Variants in MECR observed in about 807,000 individuals in gnomAD.
MECR encodes the protein enoyl-[acyl-carrier-protein] reductase, mitochondrial.
MECR carries 37 observed loss-of-function variants against 49.1 expected under a neutral mutation model. That is an observed-to-expected ratio of 0.75 (90% CI 0.58 to 0.99). The LOEUF is 0.99. MECR is among the 50% of genes least tolerant of loss of function. The probability of loss-of-function intolerance (pLI) is 0.00; values close to 1 mark genes in which losing one functional copy is unlikely to be tolerated. For missense variants in MECR, 470 were observed against 479.6 expected (o/e 0.98, Z 0.19); for synonymous variants, 198 against 191.1 (o/e 1.04, Z -0.30).
the MECR span, among the ~76,000 whole-genome samples, chr1:29,174,691 T>C: frequency 1.3e-5 from 2 of 150,460 alleles, no homozygotes; most frequent in African/African-American, 4.9e-5. Flanking sequence ...TTTTTTTTTT[T>C]TTTGATGGAG....
chr1:29,224,461 C>A (rs2250641), intron 1 of MECR: 125,526 of 152,156 alleles, frequency 0.82, 52,360 homozygotes, highest in Middle Eastern at 0.89. Context: ...TGTTACTTTC[C>A]TAGAATTGTC....
chr1:29,178,353 C>CTTCTTTTT, the MECR span, among the ~76,000 whole-genome samples: 7 of 127,874 alleles, frequency 5.5e-5, 1 homozygote, highest in Non-Finnish European at 3.2e-5. Context: ...GTTTCAATTA[C>CTTCTTTTT]TTTTTTTTTT....
At chr1:29,184,904 C>T in the MECR span, among the ~76,000 whole-genome samples, 4 of 152,158 alleles carry the variant, frequency 2.6e-5, no homozygotes, top group Non-Finnish European at 4.4e-5. Context: ...GTGGGTGGAT[C>T]ACCTGAGGCC....
intron 7 of MECR, 60 bp from the exon 8 acceptor site, chr1:29,196,318 C>A (rs187105824): frequency 1.2e-4 from 176 of 1,448,766 alleles, no homozygotes; most frequent in Non-Finnish European, 1.6e-4. Context: ...CCTTCCTGAA[C>A]CTGCCATGGC....
In MECR at chr1:29,193,514, C is replaced by G. The variant is rs933099220; in HGVS notation, c.*508G>C. 12 of 157,516 alleles carry G rather than the reference C, an allele frequency of 7.6e-5. No individual in the cohort carries two copies. Among genetic ancestry groups the G allele is most frequent in the Non-Finnish European group, 1.5e-4 (11 of 71,072 alleles). The allele number at this position is 157,516 out of a possible 1,614,324, so 9.8% of individuals were successfully genotyped here. A position where few individuals can be genotyped will look rare whatever the true frequency, so the allele number is the denominator to read the frequency against. ...TCCTCAGGGCCCTGATGACCTCAGC[C>G]TGGCATTCACTCTTCCATGCAGCTG... On this transcript the variant is annotated 3_prime_UTR_variant, in exon 10 of 10. Transcript: ENST00000263702.
chr1:29,229,501 G>C (rs1017793446), intron 1 of MECR, among the ~76,000 whole-genome samples: 1 of 152,226 alleles, frequency 6.6e-6, no homozygotes, highest in South Asian at 2.1e-4. Context: ...ACCGTGCCCA[G>C]CTCTAGCCTG....
At chr1:29,190,247 C>T (rs1458042374), downstream of MECR, among the ~76,000 whole-genome samples, 3 of 152,080 alleles carry the variant, frequency 2.0e-5, no homozygotes, top group East Asian at 1.9e-4. Flanking sequence ...CGGTGGCAGG[C>T]GCCTGTAGTC....
At chr1:29,222,160 CT>C (rs1310224099) in intron 1 of MECR, among the ~76,000 whole-genome samples, 1 of 152,208 alleles carries the variant, frequency 6.6e-6, no homozygotes, top group Non-Finnish European at 1.5e-5. Flanking sequence ...GTGGCACAAT[CT>C]TGGCTCACTG....
At chr1:29,220,269 T>C (rs1320109020) in intron 1 of MECR, among the ~76,000 whole-genome samples, 3 of 148,890 alleles carry the variant, frequency 2.0e-5, no homozygotes, top group Non-Finnish European at 3.0e-5. Context: ...GGCATGGTGG[T>C]GTGCTCCTGT....
At chr1:29,226,507 G>A (rs1682104510) in intron 1 of MECR, among the ~76,000 whole-genome samples, 1 of 152,140 alleles carries the variant, frequency 6.6e-6, no homozygotes, top group Non-Finnish European at 1.5e-5. Flanking sequence ...TGAGGCAGAA[G>A]GATCGCTTGA....
At chr1:29,230,260 A>C (rs1368992860) in intron 1 of MECR, 1 of 168,608 alleles carries the variant, frequency 5.9e-6, no homozygotes, top group African/African-American at 2.4e-5. Context: ...TGGATGTAAA[A>C]GTATTCTGAA....
At position 29,203,157 on chromosome 1, in the gene MECR, T is replaced by C. The variant is rs998986445; in HGVS notation, c.627A>G (p.Leu209=). The change falls in exon 5 of 10, where the codon CTA becomes CTG. Residue 209 remains leucine, a synonymous_variant. Transcript: ENST00000263702. ...TGTCTCGGACCACATTGATGGTTCTTAGGCCCAGGGCTGCGGCGATCTGGA... is the reference window on the plus strand; with the variant it reads ...TGTCTCGGACCACATTGATGGTTCTCAGGCCCAGGGCTGCGGCGATCTGGA... ...AVIQIAAALG[L]RTINVVRDRP... is the part of the protein sequence containing the mutation. 2.5e-6 allele frequency: 4 copies of C among 1,582,212 alleles called. No homozygotes were observed. Among genetic ancestry groups the C allele is most frequent in the Non-Finnish European group, 3.4e-6 (4 of 1,160,590 alleles).
chr1:29,176,797 T>C, the MECR span, among the ~76,000 whole-genome samples: 8 of 152,310 alleles, frequency 5.3e-5, no homozygotes, highest in East Asian at 1.5e-3. Flanking sequence ...AATAATTAGA[T>C]AGCATGACTA....
intron 3 of MECR, among the ~76,000 whole-genome samples, chr1:29,214,353 G>C (rs1006979878): frequency 6.9e-6 from 1 of 145,554 alleles, no homozygotes; most frequent in African/African-American, 2.6e-5. Flanking sequence ...GAGCCACTGC[G>C]CCTGGCCTTA....
rs548897654 is a variant in MECR, at chr1:29,217,711, G to A, written c.177-1026C>T. Among the ~76,000 whole-genome samples the A allele has an allele frequency of 8.5e-5, 13 of 152,304 alleles. 1 individual carries two copies. Among genetic ancestry groups the A allele is most frequent in the Admixed American group, 7.8e-4 (12 of 15,302 alleles). Reference sequence around the variant, plus strand: ...TAGTTCTTACCAACCGGGGTATCTTGGAAATCCCAGGCTAGCTGACATGTC... The same window carrying A: ...TAGTTCTTACCAACCGGGGTATCTTAGAAATCCCAGGCTAGCTGACATGTC... On this transcript the variant is annotated intron_variant, in intron 1 of 9. Coordinates refer to ENST00000263702, the MANE Select transcript of MECR (RefSeq NM_016011.5).
chr1:29,184,105 C>G, the MECR span, among the ~76,000 whole-genome samples: 2 of 149,336 alleles, frequency 1.3e-5, no homozygotes, highest in South Asian at 4.2e-4. Flanking sequence ...GTCTTGATCT[C>G]CTGACCTCGT....
the MECR span, among the ~76,000 whole-genome samples, chr1:29,174,881 C>T: frequency 3.3e-5 from 5 of 151,248 alleles, no homozygotes; most frequent in East Asian, 9.8e-4. Context: ...ACCATGTTGG[C>T]CAGGATGGTC....
chr1:29,168,010 T>TC, the MECR span, among the ~76,000 whole-genome samples: 2 of 117,374 alleles, frequency 1.7e-5, no homozygotes, highest in East Asian at 4.6e-4. Flanking sequence ...AGGTTCTAAT[T>TC]CCTTTTTTTT....
At chr1:29,176,693 C>T in the MECR span, among the ~76,000 whole-genome samples, 5 of 152,078 alleles carry the variant, frequency 3.3e-5, no homozygotes, top group Non-Finnish European at 7.4e-5. Flanking sequence ...CAGTGACATA[C>T]ACAACAACGA....
Sources: allele counts gnomAD v4.1 joint callset (sites outside exome capture counted in the v4.1 genomes callset), GRCh38; gene constraint gnomAD v4.1.1; transcripts MANE v1.5; gene names NCBI Gene and HGNC (gene_info 2026-07-23, HGNC 2026-07-21).